The following NR3C1 variants were observed in gnomAD, a reference collection of about 807,000 sequenced individuals.
NR3C1 encodes glucocorticoid receptor.
NR3C1 carries 14 observed loss-of-function variants against 74.0 expected under a neutral mutation model. The observed-to-expected ratio is 0.19, with a 90% CI of 0.12 to 0.30. NR3C1 has a LOEUF of 0.30. NR3C1 is among the 10% of genes least tolerant of loss of function. The pLI is 1.00. For missense variants in NR3C1, 695 were observed against 909.8 expected (o/e 0.76, Z 3.04); for synonymous variants, 308 against 332.5 (o/e 0.93, Z 0.80).
chr5:143,419,191 C>T (rs185184607), intron 1 of NR3C1, among the ~76,000 whole-genome samples: 2 of 152,116 alleles, frequency 1.3e-5, no homozygotes, highest in African/African-American at 2.4e-5. Context: ...CCCTTCCTGT[C>T]GGAAGCATTT....
Position 143,399,946 on chromosome 5 carries a change from G to T in NR3C1, c.894C>A (p.Gly298=). 6.2e-7 allele frequency: 1 copy of T among 1,614,136 alleles called. No individual in the cohort carries two copies. The highest frequency in any genetic ancestry group is 8.5e-7 in the Non-Finnish European group (1 of 1,180,022). The change falls in exon 2 of 9, where the codon GGC becomes GGA. Residue 298 remains glycine (G), a synonymous_variant. Transcript: ENST00000394464. ...GAAAGCTTGCCTGACAGTAAACTGT[G>T]CCCAGTTTCTCTTGCTTAATTACCC... ...TPGVIKQEKL[G]TVYCQASFPG...
chr5:143,288,284 A>C (rs1412554576), intron 7 of NR3C1, among the ~76,000 whole-genome samples: 1 of 151,674 alleles, frequency 6.6e-6, no homozygotes, highest in Non-Finnish European at 1.5e-5. Flanking sequence ...ACGCCTGGCT[A>C]ATTTTTTTGT....
intron 7 of NR3C1, among the ~76,000 whole-genome samples, chr5:143,283,277 T>TTAAAC (rs1435414818): frequency 4.7e-4 from 71 of 152,354 alleles, no homozygotes; most frequent in African/African-American, 1.7e-3. Context: ...GGATTATTAA[T>TTAAAC]TAAACTACAG....
At chr5:143,341,238 A>G (rs1393549404) in intron 2 of NR3C1, among the ~76,000 whole-genome samples, 1 of 152,272 alleles carries the variant, frequency 6.6e-6, no homozygotes, top group Admixed American at 6.5e-5. Context: ...ATTTAAAGGA[A>G]ATTTCCATCT....
intron 2 of NR3C1, among the ~76,000 whole-genome samples, chr5:143,340,029 T>G (rs1347621004): frequency 6.6e-6 from 1 of 152,114 alleles, no homozygotes; most frequent in Non-Finnish European, 1.5e-5. Flanking sequence ...ACACAATATT[T>G]TTAAAACATT....
chr5:143,356,899 A>C lies in NR3C1; in HGVS notation c.1185-42731T>G, dbSNP rs78468652. Among the ~76,000 whole-genome samples the C allele has an allele frequency of 3.9e-5, 6 of 152,308 alleles. No individual in the cohort carries two copies. The East Asian group carries it at 1.2e-3, about 29-fold the overall frequency. Reference sequence around the variant, plus strand: ...GGTCAGAGTACACACGTTATTTCTAAGATCTTACTAGGTGCAAGATTTAAG... The same window carrying C: ...GGTCAGAGTACACACGTTATTTCTACGATCTTACTAGGTGCAAGATTTAAG... On this transcript the variant is annotated intron_variant, in intron 2 of 8. Transcript: ENST00000394464.
At chr5:143,412,367 A>C (rs1333446139) in intron 1 of NR3C1, among the ~76,000 whole-genome samples, 2 of 152,076 alleles carry the variant, frequency 1.3e-5, no homozygotes, top group African/African-American at 4.8e-5. Flanking sequence ...TTTTGCCCAC[A>C]TGGAGGGGTT....
chr5:143,424,361 G>A (rs1350022926), intron 1 of NR3C1, among the ~76,000 whole-genome samples: 1 of 152,078 alleles, frequency 6.6e-6, no homozygotes, highest in Non-Finnish European at 1.5e-5. Flanking sequence ...ATAACTAAGA[G>A]TGGAATTGCA....
At chr5:143,328,436 C>T (rs1263242203) in intron 2 of NR3C1, among the ~76,000 whole-genome samples, 2 of 152,202 alleles carry the variant, frequency 1.3e-5, no homozygotes, top group Non-Finnish European at 2.9e-5. Flanking sequence ...TTACTTATTA[C>T]TTATTACTTT....
At chr5:143,362,127 C>T (rs1267947746) in intron 2 of NR3C1, among the ~76,000 whole-genome samples, 1 of 152,134 alleles carries the variant, frequency 6.6e-6, no homozygotes, top group Non-Finnish European at 1.5e-5. Context: ...TGAACTTTTT[C>T]GGAACCTGAA....
intron 2 of NR3C1, among the ~76,000 whole-genome samples, chr5:143,348,589 G>A (rs1481380837): frequency 6.6e-6 from 1 of 152,094 alleles, no homozygotes; most frequent in African/African-American, 2.4e-5. Context: ...CACATTTTTT[G>A]AGTTTTGTGC....
At chr5:143,403,896 G>A (rs945379117), upstream of NR3C1, 172 of 980,834 alleles carry the variant, frequency 1.8e-4, no homozygotes, top group Admixed American at 1.4e-3. Flanking sequence ...GCGTCCCCTG[G>A]CGTGGCCGCC....
chr5:143,285,924 T>TCTATGAAAACATTG (rs1599670017), intron 7 of NR3C1, among the ~76,000 whole-genome samples: 1 of 150,844 alleles, frequency 6.6e-6, no homozygotes, highest in East Asian at 1.9e-4. Flanking sequence ...CCAAGCTGGT[T>TCTATGAAAACATTG]CTATGAAAAC....
rs767687576 is a variant in NR3C1, at chr5:143,399,872, C to A, written c.968G>T (p.Gly323Val). The part of the protein sequence containing the change: ...GNKMSAISVH[G>V]VSTSGGQMYH... ...CATCTGTCCTCCAGAGGTACTCACA[C>A]CATGAACAGAAATGGCAGACATTTT... The change falls in exon 2 of 9, where the codon GGT (glycine) becomes GTT (valine). Residue 323 changes from glycine (G) to valine (V), a missense_variant. Transcript: ENST00000394464. The A allele has an allele frequency of 2.8e-5, 45 of 1,614,042 alleles. No homozygotes were observed. Among genetic ancestry groups the A allele is most frequent in the Non-Finnish European group, 3.7e-5 (44 of 1,180,036 alleles).
At position 143,401,927 on chromosome 5, in the gene NR3C1, G is replaced by C. The variant is rs555514136; in HGVS notation, c.-13-1075C>G. On this transcript the variant is annotated intron_variant, in intron 1 of 8. Transcript: ENST00000394464. ...TATTCTCAAGAGAGTAAGACTGTTA[G>C]TATATCGTTAATCAGGGTGTTTTAA... Among the ~76,000 whole-genome samples, 5 of 152,300 alleles carry C rather than the reference G, an allele frequency of 3.3e-5. No homozygotes were observed. The East Asian group carries it at 7.7e-4, about 23-fold the overall frequency.
intron 2 of NR3C1, among the ~76,000 whole-genome samples, chr5:143,376,732 A>G (rs1358735798): frequency 6.6e-6 from 1 of 152,166 alleles, no homozygotes; most frequent in East Asian, 1.9e-4. Flanking sequence ...TAACTCTTAA[A>G]TGGGGGTAAG....
At chr5:143,374,543 T>C (rs1197984744) in intron 2 of NR3C1, among the ~76,000 whole-genome samples, 4 of 151,486 alleles carry the variant, frequency 2.6e-5, no homozygotes, top group East Asian at 1.9e-4. Context: ...TGGGTGATCA[T>C]CCAAATTTTC....
intron 2 of NR3C1, among the ~76,000 whole-genome samples, chr5:143,386,498 C>T (rs1671588073): frequency 6.6e-6 from 1 of 152,040 alleles, no homozygotes; most frequent in South Asian, 2.1e-4. Context: ...AAGCTGCAGA[C>T]AAAGGGGTAT....
intron 1 of NR3C1, among the ~76,000 whole-genome samples, chr5:143,402,989 C>T (rs2151947587): frequency 6.6e-6 from 1 of 150,432 alleles, no homozygotes; most frequent in East Asian, 2.0e-4. Flanking sequence ...TCCCCCTCGG[C>T]CCGGCCAGGG....
Sources: gnomAD v4.1 joint callset for allele counts (sites outside exome capture counted in the v4.1 genomes callset) on GRCh38, gnomAD v4.1.1 for gene constraint, MANE v1.5 for transcripts, NCBI Gene and HGNC (gene_info 2026-07-23, HGNC 2026-07-21) for gene names.